The following ST8SIA6 variants were observed in gnomAD, a reference collection of about 807,000 sequenced individuals.
The protein encoded by ST8SIA6 is ST8 alpha-N-acetyl-neuraminide alpha-2,8-sialyltransferase 6, also known as alpha-2,8-sialyltransferase 8F.
Under a neutral mutation model 33.6 loss-of-function variants are expected in ST8SIA6, and 39 were observed. The ratio of observed to expected loss-of-function variants is 1.16; its 90% CI spans 0.90 to 1.52. ST8SIA6 has a LOEUF of 1.52. Ranked by LOEUF, ST8SIA6 falls within the 40% of genes most tolerant of loss-of-function variation. ST8SIA6 has a pLI of 0.00. For missense variants in ST8SIA6, 441 were observed against 443.8 expected (o/e 0.99, Z 0.06); for synonymous variants, 172 against 167.2 (o/e 1.03, Z -0.22).
chr10:17,391,818 C>T (rs1188979983), intron 2 of ST8SIA6, among the ~76,000 whole-genome samples: 2 of 152,272 alleles, frequency 1.3e-5, no homozygotes, highest in South Asian at 4.1e-4. Context: ...TGTTATTTAA[C>T]CCACTCCAGG....
At chr10:17,321,937 T>G (rs960863407) in intron 7 of ST8SIA6, among the ~76,000 whole-genome samples, 2 of 151,980 alleles carry the variant, frequency 1.3e-5, no homozygotes, top group Non-Finnish European at 2.9e-5. Flanking sequence ...CCCACATCTC[T>G]ATAAAAAATA....
chr10:17,359,473 A>G (rs1253154275), intron 4 of ST8SIA6, 41 bp downstream of exon 4: 53 of 1,450,454 alleles, frequency 3.7e-5, no homozygotes, highest in Non-Finnish European at 4.8e-5. Context: ...CAAATGAACA[A>G]GACATTTTTA....
At chr10:17,411,424 C>T (rs1302458504) in intron 2 of ST8SIA6, among the ~76,000 whole-genome samples, 2 of 152,142 alleles carry the variant, frequency 1.3e-5, no homozygotes, top group Non-Finnish European at 2.9e-5. Context: ...CTCAGGTGAT[C>T]TTCCCACCTG....
intron 5 of ST8SIA6, among the ~76,000 whole-genome samples, chr10:17,328,351 A>T (rs919247863): frequency 6.6e-6 from 1 of 152,130 alleles, no homozygotes; most frequent in East Asian, 1.9e-4. Flanking sequence ...CCAAGACCTG[A>T]ATCTTTCTTA....
chr10:17,389,718 A>T (rs1349166885), intron 3 of ST8SIA6, among the ~76,000 whole-genome samples: 2 of 152,162 alleles, frequency 1.3e-5, no homozygotes, highest in Non-Finnish European at 2.9e-5. Flanking sequence ...AATTTTGTAC[A>T]AGTGTGTATT....
chr10:17,430,948 C>T (rs912774569), intron 2 of ST8SIA6, among the ~76,000 whole-genome samples: 8 of 152,118 alleles, frequency 5.3e-5, no homozygotes, highest in Admixed American at 1.3e-4. Flanking sequence ...AAAGCCATTC[C>T]CAAACCCCTT....
rs184772033 is a variant in ST8SIA6 at position 17,371,861 on chromosome 10, G to A, written c.291-12261C>T. 9.1e-4 allele frequency among the ~76,000 whole-genome samples: 135 copies of A among 147,924 alleles called. 1 individual carries two copies. Among genetic ancestry groups the A allele is most frequent in the African/African-American group, 3.3e-3 (134 of 40,606 alleles). On this transcript the variant is annotated intron_variant, in intron 3 of 7. Transcript: ENST00000377602. ...CTGTATGATAAATATTTGTTTAAAT[G>A]TACAACTCTCTTAATATACTGTGGA...
intron 3 of ST8SIA6, among the ~76,000 whole-genome samples, chr10:17,365,799 A>C (rs1176359612): frequency 6.6e-6 from 1 of 152,222 alleles, no homozygotes; most frequent in Non-Finnish European, 1.5e-5. Context: ...TACTAGTCTT[A>C]TGTAAGCAGC....
At position 17,453,620 on chromosome 10, in the gene ST8SIA6, T is replaced by A. The variant is rs45462798; in HGVS notation, c.139A>T (p.Thr47Ser). The change falls in exon 2 of 8, where the codon ACC becomes TCC. Residue 47 changes from threonine to serine, a missense_variant. Physicochemically the swap from Thr to Ser is moderately conservative, Grantham distance 58. Transcript: ENST00000377602. ...VEESREATHG[T>S]PAALRTLRSP... ...CGGAGCGTCCTCAGCGCTGCGGGGGTGCCGTGGGTGGCCTCCCTGCTTTCC... is the reference window on the plus strand; with the variant it reads ...CGGAGCGTCCTCAGCGCTGCGGGGGAGCCGTGGGTGGCCTCCCTGCTTTCC... The A allele has an allele frequency of 0.034, 45,653 of 1,325,894 alleles. 882 individuals carry two copies. The highest frequency in any genetic ancestry group is 0.039 in the Non-Finnish European group (40,687 of 1,030,414). 82.1% of individuals were successfully genotyped at this position (1,325,894 alleles called of 1,614,324 possible). A position where few individuals can be genotyped will look rare whatever the true frequency, so the allele number is the denominator to read the frequency against.
intron 3 of ST8SIA6, 57 bp from the exon 4 acceptor site, chr10:17,359,657 T>C: frequency 9.1e-7 from 1 of 1,103,380 alleles, no homozygotes; most frequent in Non-Finnish European, 1.3e-6. Context: ...TAAGTCTTCT[T>C]AGAAGATACT....
chr10:17,447,613 G>A (rs1430311706), intron 2 of ST8SIA6, among the ~76,000 whole-genome samples: 2 of 151,962 alleles, frequency 1.3e-5, no homozygotes, highest in East Asian at 3.9e-4. Context: ...ATGAGGAGGG[G>A]ATCATTTAAA....
At chr10:17,327,442 C>T (rs182745309) in intron 5 of ST8SIA6, among the ~76,000 whole-genome samples, 1 of 152,012 alleles carries the variant, frequency 6.6e-6, no homozygotes, top group Non-Finnish European at 1.5e-5. Context: ...AAAAAATTAG[C>T]TGGGCGTGGT....
chr10:17,362,004 T>A (rs1352555313), intron 3 of ST8SIA6, among the ~76,000 whole-genome samples: 3 of 152,094 alleles, frequency 2.0e-5, no homozygotes, highest in Non-Finnish European at 4.4e-5. Context: ...TTTCCACAAT[T>A]TGATAAAGGA....
chr10:17,385,647 G>A (rs966312797), intron 3 of ST8SIA6, among the ~76,000 whole-genome samples: 9 of 152,072 alleles, frequency 5.9e-5, no homozygotes, highest in Non-Finnish European at 1.2e-4. Context: ...ACAAGGTAAT[G>A]TCATCAGTAA....
chr10:17,388,381 G>A (rs1448946554), intron 3 of ST8SIA6, among the ~76,000 whole-genome samples: 1 of 152,160 alleles, frequency 6.6e-6, no homozygotes, highest in African/African-American at 2.4e-5. Context: ...TGGAGAAACA[G>A]TTAAACCGGT....
intron 4 of ST8SIA6, among the ~76,000 whole-genome samples, chr10:17,341,245 G>T (rs760355841): frequency 1.9e-4 from 29 of 152,286 alleles, no homozygotes; most frequent in Non-Finnish European, 3.2e-4. Context: ...TGCCTAGTGT[G>T]CTTGGATCTG....
intron 3 of ST8SIA6, among the ~76,000 whole-genome samples, chr10:17,366,209 T>C (rs2131625915): frequency 6.6e-6 from 1 of 152,356 alleles, no homozygotes; most frequent in African/African-American, 2.4e-5. Context: ...TTTTCAGCTA[T>C]GCACGATGGT....
At chr10:17,385,228 C>T (rs554319658) in intron 3 of ST8SIA6, among the ~76,000 whole-genome samples, 2 of 152,264 alleles carry the variant, frequency 1.3e-5, no homozygotes, top group East Asian at 1.9e-4. Flanking sequence ...TCGAAAAGCT[C>T]ATCAGAAACT....
At chr10:17,380,018 C>A (rs1343262187) in intron 3 of ST8SIA6, among the ~76,000 whole-genome samples, 2 of 152,114 alleles carry the variant, frequency 1.3e-5, no homozygotes, top group Non-Finnish European at 2.9e-5. Flanking sequence ...TCTGAGAGCA[C>A]CCTCCAGAGA....
Sources: gnomAD v4.1 joint callset for allele counts (sites outside exome capture counted in the v4.1 genomes callset) on GRCh38, gnomAD v4.1.1 for gene constraint, MANE v1.5 for transcripts, NCBI Gene and HGNC (gene_info 2026-07-23, HGNC 2026-07-21) for gene names.